MSI2: variants seen among roughly 807,000 people sequenced by gnomAD.
The protein encoded by MSI2 is RNA-binding protein Musashi homolog 2.
A neutral mutation model predicts 45.6 loss-of-function variants in MSI2; 17 were observed. The observed-to-expected ratio is 0.37, with a 90% CI of 0.26 to 0.56. MSI2 has a LOEUF of 0.56. MSI2 is among the 20% of genes least tolerant of loss of function. The probability of loss-of-function intolerance (pLI) is 0.77; values close to 1 mark genes in which losing one functional copy is unlikely to be tolerated. For synonymous variants in MSI2, 156 were observed against 158.2 expected, an observed-to-expected ratio of 0.99 and a Z score of 0.11; for missense variants, 293 against 444.2, an observed-to-expected ratio of 0.66 and a Z score of 3.06.
intron 5 of MSI2, among the ~76,000 whole-genome samples, chr17:57,320,787 A>G (rs1315916592): frequency 6.6e-6 from 1 of 152,090 alleles, no homozygotes; most frequent in Admixed American, 6.5e-5. Flanking sequence ...CTTTGCAACC[A>G]AGCAAAGGGG....
chr17:57,482,276 A>G (rs1481967421), intron 6 of MSI2, among the ~76,000 whole-genome samples: 3 of 152,162 alleles, frequency 2.0e-5, no homozygotes, highest in South Asian at 2.1e-4. Context: ...GTCTCCCGAG[A>G]TTGTTGGAAA....
chr17:57,298,919 T>C (rs1162640831), intron 5 of MSI2, among the ~76,000 whole-genome samples: 4 of 152,262 alleles, frequency 2.6e-5, no homozygotes, highest in Non-Finnish European at 4.4e-5. Context: ...TAAAAGACTT[T>C]TGTATACATG....
rs575375207 is a variant in MSI2 at position 57,532,599 on chromosome 17, A to C, written c.454+2875A>C. Among the ~76,000 whole-genome samples the C allele has an allele frequency of 7.7e-4, 118 of 152,356 alleles. 1 individual carries two copies. Among genetic ancestry groups the C allele is most frequent in the African/African-American group, 2.7e-3 (114 of 41,588 alleles). On this transcript the variant is annotated intron_variant, in intron 7 of 13. Coordinates refer to ENST00000284073, the MANE Select transcript of MSI2 (RefSeq NM_138962.4). ...CATATATATGGAGCGAGCCGGCCCC[A>C]CATCTGTGGCCTGATGGAGTGCACA... is the stretch of plus-strand genomic sequence containing the variant.
At chr17:57,468,089 G>A (rs1022008863) in intron 6 of MSI2, among the ~76,000 whole-genome samples, 5 of 151,822 alleles carry the variant, frequency 3.3e-5, no homozygotes, top group Non-Finnish European at 5.9e-5. Context: ...ATGGGGCTGC[G>A]TTTGAATCTC....
At position 57,322,965 on chromosome 17, in the gene MSI2, G is replaced by T. The variant is rs139898127; in HGVS notation, c.312+60773G>T. Among the ~76,000 whole-genome samples the T allele has an allele frequency of 2.0e-4, 30 of 152,048 alleles. No individual in the cohort carries two copies. In the East Asian group the frequency reaches 5.0e-3, roughly 26 times the overall value. On this transcript the variant is annotated intron_variant, in intron 5 of 13. Transcript: ENST00000284073. ...TGTTGGTGAGAAACAGGTTGAGAAA[G>T]AAGCAGCTGCTGAGAATAATCTAGT...
chr17:57,674,894 C>T (rs1295676086), intron 11 of MSI2, 78 bp from the exon 12 acceptor site: 9 of 1,575,572 alleles, frequency 5.7e-6, no homozygotes, highest in Admixed American at 1.7e-5. Flanking sequence ...GGCCTCATAC[C>T]CAGCTCTATT....
At chr17:57,537,229 G>T (rs1259440881) in intron 7 of MSI2, among the ~76,000 whole-genome samples, 1 of 152,142 alleles carries the variant, frequency 6.6e-6, no homozygotes, top group Non-Finnish European at 1.5e-5. Context: ...CCTCCAGTGG[G>T]CTCATTCTAA....
intron 6 of MSI2, among the ~76,000 whole-genome samples, chr17:57,478,039 C>G (rs1481755280): frequency 6.6e-6 from 1 of 152,228 alleles, no homozygotes; most frequent in African/African-American, 2.4e-5. Flanking sequence ...AGCACAGAGC[C>G]TCTGCCCGGC....
At position 57,413,332 on chromosome 17, in the gene MSI2, A is replaced by G. The variant is rs936140527; in HGVS notation, c.405+11861A>G. Among the ~76,000 whole-genome samples the G allele has an allele frequency of 5.9e-5, 9 of 151,994 alleles. 1 individual carries two copies. The highest frequency in any genetic ancestry group is 1.7e-4 in the African/African-American group (7 of 41,276). ...AAAGACGACGATTCAGTTTTATGCAATTTTGGTGGGATGTACCTCGAGTTC... is the reference window on the plus strand; with the variant it reads ...AAAGACGACGATTCAGTTTTATGCAGTTTTGGTGGGATGTACCTCGAGTTC... On this transcript the variant is annotated intron_variant, in intron 6 of 13. Coordinates refer to ENST00000284073, the MANE Select transcript of MSI2 (RefSeq NM_138962.4).
chr17:57,643,527 G>A (rs543608000), intron 10 of MSI2, among the ~76,000 whole-genome samples: 3 of 152,314 alleles, frequency 2.0e-5, no homozygotes, highest in Non-Finnish European at 2.9e-5. Context: ...GGGAACCTGC[G>A]GACAGACACA....
At chr17:57,263,415 T>C (rs1907499795) in intron 5 of MSI2, 1 of 152,262 alleles carries the variant, frequency 6.6e-6, no homozygotes, top group East Asian at 1.9e-4. Flanking sequence ...ATTTTTGTAC[T>C]TAGCACAAAC....
intron 10 of MSI2, among the ~76,000 whole-genome samples, chr17:57,644,214 GTT>G (rs571385748): frequency 6.9e-5 from 6 of 87,428 alleles, no homozygotes; most frequent in Admixed American, 1.1e-4. Flanking sequence ...AGGGTAAGTT[GTT>G]TTTTTTTTTT....
intron 6 of MSI2, among the ~76,000 whole-genome samples, chr17:57,418,042 G>T (rs964537378): frequency 3.3e-5 from 5 of 152,106 alleles, no homozygotes; most frequent in African/African-American, 9.7e-5. Flanking sequence ...GTCTGTAAAG[G>T]GTCAGATACC....
chr17:57,463,316 G>C (rs941668934), intron 6 of MSI2, among the ~76,000 whole-genome samples: 8 of 152,114 alleles, frequency 5.3e-5, no homozygotes, highest in African/African-American at 1.7e-4. Context: ...AGGACCAATA[G>C]TTTTGAAATG....
In MSI2 at chr17:57,681,393, T is replaced by TA. The variant is rs1283531679; in HGVS notation, c.*1877dup. 5.6e-6 allele frequency: 1 copy of TA among 179,492 alleles called. No individual in the cohort carries two copies. The highest frequency in any genetic ancestry group is 2.4e-5 in the African/African-American group (1 of 42,488). 11.1% of individuals were successfully genotyped at this position (179,492 alleles called of 1,614,324 possible). A position where few individuals can be genotyped will look rare whatever the true frequency, so the allele number is the denominator to read the frequency against. On this transcript the variant is annotated 3_prime_UTR_variant, in exon 14 of 14. Transcript: ENST00000284073. ...GTTTTATTAATATTTTTTAAATTGTTACGTTTATAAATTTGGTACTTAAGG... is the reference window on the plus strand; with the variant it reads ...GTTTTATTAATATTTTTTAAATTGTTAACGTTTATAAATTTGGTACTTAAGG...
intron 5 of MSI2, among the ~76,000 whole-genome samples, chr17:57,377,958 C>A (rs562782814): frequency 4.6e-5 from 7 of 152,058 alleles, no homozygotes; most frequent in African/African-American, 1.4e-4. Flanking sequence ...ACCTGTAGTC[C>A]CAGCTACTCG....
At chr17:57,503,154 T>G (rs2086154330) in intron 6 of MSI2, among the ~76,000 whole-genome samples, 1 of 152,310 alleles carries the variant, frequency 6.6e-6, no homozygotes, top group African/African-American at 2.4e-5. Flanking sequence ...CAGGGGTGGC[T>G]TAGAGACTGA....
chr17:57,677,157 A>G (rs758744213), intron 13 of MSI2, 98 bp downstream of exon 13: 10 of 823,494 alleles, frequency 1.2e-5, no homozygotes, highest in Non-Finnish European at 2.1e-5. Context: ...GTCTCATCAC[A>G]TCCACATCTC....
At chr17:57,481,279 G>T (rs2085641934) in intron 6 of MSI2, among the ~76,000 whole-genome samples, 1 of 152,198 alleles carries the variant, frequency 6.6e-6, no homozygotes, top group South Asian at 2.1e-4. Context: ...TATCCATTCT[G>T]CTGAAAAGCA....
Sources: gnomAD v4.1 joint callset for allele counts (sites outside exome capture counted in the v4.1 genomes callset) on GRCh38, gnomAD v4.1.1 for gene constraint, MANE v1.5 for transcripts, NCBI Gene and HGNC (gene_info 2026-07-23, HGNC 2026-07-21) for gene names.